The following DNAJC1 variants were observed in gnomAD, a reference collection of about 807,000 sequenced individuals.
DNAJC1 encodes the protein dnaJ homolog subfamily C member 1.
A neutral mutation model predicts 76.6 loss-of-function variants in DNAJC1; 58 were observed. The ratio of observed to expected loss-of-function variants is 0.76; its 90% confidence interval spans 0.61 to 0.94. The LOEUF is 0.94. Among genes scored for constraint, DNAJC1 ranks in the 40% least tolerant of loss-of-function variants. The pLI is 0.00. For missense variants in DNAJC1, 689 were observed against 677.3 expected, an observed-to-expected ratio of 1.02 and a Z score of -0.19; for synonymous variants, 258 against 267.9, an observed-to-expected ratio of 0.96 and a Z score of 0.36.
intron 8 of DNAJC1, among the ~76,000 whole-genome samples, chr10:21,842,275 G>T (rs1267509986): frequency 1.3e-5 from 2 of 151,808 alleles, no homozygotes; most frequent in Non-Finnish European, 2.9e-5. Context: ...AACCTCATGT[G>T]AGAGAAGCAA....
chr10:21,826,914 A>C (rs891401873), intron 8 of DNAJC1, among the ~76,000 whole-genome samples: 4 of 150,818 alleles, frequency 2.7e-5, no homozygotes, highest in Admixed American at 6.6e-5. Context: ...CTTTGTAGTA[A>C]GTTGCAAAAA....
At chr10:21,756,846 A>G (rs1345216791) in intron 11 of DNAJC1, 91 bp from the exon 12 acceptor site, 1 of 1,214,790 alleles carries the variant, frequency 8.2e-7, no homozygotes, top group African/African-American at 1.5e-5. Context: ...CTGCTCATGA[A>G]GAGCCTCACG....
intron 1 of DNAJC1, among the ~76,000 whole-genome samples, chr10:21,959,589 C>T (rs540411492): frequency 6.6e-6 from 1 of 151,804 alleles, no homozygotes; most frequent in South Asian, 2.1e-4. Flanking sequence ...AGTTTGAGAC[C>T]AGCCTGGCCA....
intron 8 of DNAJC1, among the ~76,000 whole-genome samples, chr10:21,813,776 T>C (rs1030781462): frequency 3.9e-5 from 6 of 152,150 alleles, no homozygotes; most frequent in Non-Finnish European, 7.3e-5. Context: ...TGTAAAAAAT[T>C]TGAGTTACCT....
intron 8 of DNAJC1, among the ~76,000 whole-genome samples, chr10:21,868,089 A>C (rs1275545210): frequency 3.6e-5 from 5 of 139,050 alleles, no homozygotes; most frequent in African/African-American, 1.1e-4. Flanking sequence ...AAAAAAAAAA[A>C]CAAAAAAAAA....
At chr10:21,892,800 A>T (rs1029923244) in intron 7 of DNAJC1, among the ~76,000 whole-genome samples, 1 of 152,172 alleles carries the variant, frequency 6.6e-6, no homozygotes, top group African/African-American at 2.4e-5. Flanking sequence ...GAAGAGAGAC[A>T]TTATATAATG....
intron 8 of DNAJC1, among the ~76,000 whole-genome samples, chr10:21,835,463 C>G (rs1243924187): frequency 2.0e-5 from 3 of 152,142 alleles, no homozygotes. Context: ...AGCAAGGGAA[C>G]AAAGCTGGAT....
intron 1 of DNAJC1, among the ~76,000 whole-genome samples, chr10:21,939,677 G>A (rs1266755009): frequency 6.6e-6 from 1 of 152,048 alleles, no homozygotes; most frequent in Non-Finnish European, 1.5e-5. Flanking sequence ...TACCATCTAG[G>A]TTTGTGAAAG....
intron 6 of DNAJC1, among the ~76,000 whole-genome samples, chr10:21,905,711 T>C (rs1268856103): frequency 6.6e-6 from 1 of 152,154 alleles, no homozygotes; most frequent in Non-Finnish European, 1.5e-5. Context: ...GTATCTGCCA[T>C]AAAGCAGGTA....
At chr10:21,848,322 G>C (rs1465546260) in intron 8 of DNAJC1, among the ~76,000 whole-genome samples, 1 of 152,068 alleles carries the variant, frequency 6.6e-6, no homozygotes, top group African/African-American at 2.4e-5. Context: ...CTATTGAGTT[G>C]AGTTTCTTAT....
At position 22,003,380 on chromosome 10, in the gene DNAJC1, G is replaced by A. The variant is rs970180337; in HGVS notation, c.55C>T (p.Leu19=). 1 of 1,388,326 alleles carries A rather than the reference G, an allele frequency of 7.2e-7. No homozygotes were observed. The highest frequency in any genetic ancestry group is 9.3e-7 in the Non-Finnish European group (1 of 1,073,710). 86.0% of individuals were successfully genotyped at this position (1,388,326 alleles called of 1,614,324 possible). Residue 19 remains leucine, a synonymous_variant, in exon 1 of 12, where the codon CTG becomes TTG. Coordinates refer to ENST00000376980, the MANE Select transcript of DNAJC1 (RefSeq NM_022365.4). ...GGCGGCGGCGGCGGGAACGGCACCA[G>A]CCCGAGCTGGCGGCGTCCAGGAAGC... ...AQLPGRRQLG[L]VPFPPPPPRT...
chr10:21,849,241 C>T (rs769540823), intron 8 of DNAJC1, among the ~76,000 whole-genome samples: 2 of 126,622 alleles, frequency 1.6e-5, no homozygotes, highest in Non-Finnish European at 3.1e-5. Flanking sequence ...TGCAGTGAGC[C>T]GAGATCGTGC....
intron 9 of DNAJC1, among the ~76,000 whole-genome samples, chr10:21,770,332 T>C (rs536282453): frequency 6.6e-6 from 1 of 152,266 alleles, no homozygotes; most frequent in Middle Eastern, 3.4e-3. Flanking sequence ...TCATATCCTG[T>C]ATCCATTGCT....
At chr10:21,817,858 C>A (rs1300534490) in intron 8 of DNAJC1, among the ~76,000 whole-genome samples, 3 of 152,142 alleles carry the variant, frequency 2.0e-5, no homozygotes, top group Non-Finnish European at 4.4e-5. Flanking sequence ...CCAATCAATA[C>A]CCTTGTGATT....
intron 3 of DNAJC1, among the ~76,000 whole-genome samples, chr10:21,928,058 T>C (rs1045302225): frequency 2.0e-5 from 3 of 152,050 alleles, no homozygotes; most frequent in African/African-American, 4.8e-5. Context: ...ATTCTGAGAG[T>C]GAGGAAATAT....
chr10:21,972,050 T>G (rs1049764796), intron 1 of DNAJC1, among the ~76,000 whole-genome samples: 9 of 151,998 alleles, frequency 5.9e-5, no homozygotes, highest in Non-Finnish European at 8.8e-5. Flanking sequence ...AGTGGTTTAC[T>G]GATATGGAGT....
chr10:21,973,868 C>T (rs977390474), intron 1 of DNAJC1, among the ~76,000 whole-genome samples: 1 of 151,702 alleles, frequency 6.6e-6, no homozygotes, highest in African/African-American at 2.4e-5. Context: ...TCTGGGAGGC[C>T]GAGGAGGGTG....
intron 9 of DNAJC1, among the ~76,000 whole-genome samples, chr10:21,777,722 G>A (rs1043807063): frequency 6.6e-6 from 1 of 152,208 alleles, no homozygotes; most frequent in Non-Finnish European, 1.5e-5. Context: ...GAATAGTCTC[G>A]AGTTCTAGGC....
At chr10:21,946,228 G>C (rs908736414) in intron 1 of DNAJC1, among the ~76,000 whole-genome samples, 1 of 151,674 alleles carries the variant, frequency 6.6e-6, no homozygotes, top group African/African-American at 2.4e-5. Flanking sequence ...TTTTAGTAGA[G>C]ATGGGGTTTC....
Sources: allele counts gnomAD v4.1 joint callset (sites outside exome capture counted in the v4.1 genomes callset), GRCh38; gene constraint gnomAD v4.1.1; transcripts MANE v1.5; gene names NCBI Gene and HGNC (gene_info 2026-07-23, HGNC 2026-07-21).